The following CALD1 variants were observed in gnomAD, a reference collection of about 807,000 sequenced individuals.
The protein encoded by CALD1 is caldesmon.
Under a neutral mutation model 99.9 loss-of-function variants are expected in CALD1, and 33 were observed. That is an observed-to-expected ratio of 0.33 (90% CI 0.25 to 0.44). The LOEUF is 0.44. Among genes scored for constraint, CALD1 ranks in the 20% least tolerant of loss-of-function variants. The pLI, the probability that CALD1 is intolerant of heterozygous loss-of-function variation, is 1.00. For missense variants in CALD1, 861 were observed against 962.1 expected (o/e 0.89, Z 1.39); for synonymous variants, 310 against 325.0 (o/e 0.95, Z 0.50).
intron 1 of CALD1, among the ~76,000 whole-genome samples, chr7:134,780,616 T>C (rs774873785): frequency 2.6e-5 from 4 of 152,142 alleles, no homozygotes; most frequent in African/African-American, 9.7e-5. Flanking sequence ...TCTGAAACAG[T>C]AGTACAAGGC....
At chr7:134,850,382 G>T (rs1800025670) in intron 2 of CALD1, among the ~76,000 whole-genome samples, 1 of 152,134 alleles carries the variant, frequency 6.6e-6, no homozygotes, top group Non-Finnish European at 1.5e-5. Flanking sequence ...CACAATCTGG[G>T]GCTGAGTTGC....
chr7:134,802,778 A>G (rs79139221), intron 1 of CALD1, among the ~76,000 whole-genome samples: 2,424 of 152,336 alleles, frequency 0.016, 64 homozygotes, highest in African/African-American at 0.055. Flanking sequence ...TTTGAAGTAC[A>G]CTGAAATTGC....
chr7:134,903,388 G>A (rs929073962), intron 3 of CALD1, among the ~76,000 whole-genome samples: 1 of 152,086 alleles, frequency 6.6e-6, no homozygotes, highest in African/African-American at 2.4e-5. Context: ...TTATGTGTGT[G>A]TGAGACGGAA....
chr7:134,829,400 A>T (rs1486931376), intron 1 of CALD1, among the ~76,000 whole-genome samples: 3 of 152,210 alleles, frequency 2.0e-5, no homozygotes, highest in Non-Finnish European at 4.4e-5. Context: ...TGGTGTTTTC[A>T]GGGTGTTGCA....
In CALD1 at chr7:134,933,146, C is replaced by G; in HGVS notation, c.377C>G (p.Thr126Arg). 6.2e-7 allele frequency: 1 copy of G among 1,613,518 alleles called. No individual in the cohort carries two copies. The highest frequency in any genetic ancestry group is 1.1e-5 in the South Asian group (1 of 91,004). Residue 126 changes from threonine (T) to arginine (R), a missense_variant, in exon 5 of 15, where the codon ACA becomes AGA. By Grantham distance (71) the Thr-to-Arg change is moderately conservative (BLOSUM62 -1). Coordinates refer to ENST00000361675, the MANE Select transcript of CALD1 (RefSeq NM_033138.4). ...CAGAAGGAGTTCGACCCAACAATAA[C>G]AGATGCAAGTCTGTCGCTCCCAAGC... ...ERQKEFDPTI[T>R]DASLSLPSRR...
chr7:134,808,773 T>C (rs546906266), intron 1 of CALD1, among the ~76,000 whole-genome samples: 1 of 152,338 alleles, frequency 6.6e-6, no homozygotes, highest in African/African-American at 2.4e-5. Context: ...AAAACATCAA[T>C]CTTAGGCTTT....
intron 1 of CALD1, among the ~76,000 whole-genome samples, chr7:134,752,462 G>A: frequency 6.6e-6 from 1 of 152,154 alleles, no homozygotes; most frequent in East Asian, 1.9e-4. Flanking sequence ...TTATAAAAGT[G>A]AAACTATATA....
rs1805748788 is a variant in CALD1 at position 134,933,974 on chromosome 7, C to A, written c.1205C>A (p.Thr402Lys). Residue 402 changes from threonine to lysine, a missense_variant, in exon 5 of 15, where the codon ACA becomes AAA. Thr to Lys is a moderately conservative substitution (Grantham distance 78). Transcript: ENST00000361675. ...GAGAAAAAACATGCCATGCAAGAGACAAAGATAAAAGGGGAAAAGGTAGAA... is the reference window on the plus strand; with the variant it reads ...GAGAAAAAACATGCCATGCAAGAGAAAAAGATAAAAGGGGAAAAGGTAGAA... Reference protein sequence around the residue: ...LEEKKHAMQETKIKGEKVEQK... With the variant: ...LEEKKHAMQEKKIKGEKVEQK... The A allele has an allele frequency of 1.9e-6, 3 of 1,613,732 alleles. No homozygotes were observed. In the South Asian group the frequency reaches 3.3e-5, roughly 18 times the overall value.
the CALD1 span, among the ~76,000 whole-genome samples, chr7:134,729,033 G>A: frequency 6.6e-6 from 1 of 151,944 alleles, no homozygotes; most frequent in Admixed American, 6.6e-5. Flanking sequence ...TGTATTTTTA[G>A]TAGAGACTGG....
intron 1 of CALD1, among the ~76,000 whole-genome samples, chr7:134,823,063 C>T (rs1449821916): frequency 6.6e-6 from 1 of 152,172 alleles, no homozygotes; most frequent in Non-Finnish European, 1.5e-5. Flanking sequence ...TGTCCCTCCA[C>T]ATGCCCCCTT....
the CALD1 span, among the ~76,000 whole-genome samples, chr7:134,731,743 G>C: frequency 6.7e-6 from 1 of 149,828 alleles, no homozygotes; most frequent in African/African-American, 2.5e-5. Context: ...CTGCTTTCTT[G>C]GTGAATTCAC....
chr7:134,796,450 T>C (rs1797748282), intron 1 of CALD1, among the ~76,000 whole-genome samples: 1 of 152,208 alleles, frequency 6.6e-6, no homozygotes, highest in African/African-American at 2.4e-5. Flanking sequence ...AGAAATCATA[T>C]ATTCATAAAG....
At chr7:134,912,856 G>C (rs1300023761) in intron 3 of CALD1, among the ~76,000 whole-genome samples, 1 of 152,058 alleles carries the variant, frequency 6.6e-6, no homozygotes, top group Non-Finnish European at 1.5e-5. Context: ...CAATTTTCTA[G>C]GCAAATTGTA....
chr7:134,831,389 G>A (rs1024903277), intron 1 of CALD1, among the ~76,000 whole-genome samples: 6 of 151,948 alleles, frequency 3.9e-5, no homozygotes, highest in East Asian at 1.9e-4. Flanking sequence ...GCGCGATCTC[G>A]GCTCACTGCA....
Position 134,947,674 on chromosome 7 carries a change from G to A in CALD1, c.1699G>A (p.Glu567Lys). The change falls in exon 8 of 15, where the codon GAA becomes AAA. Residue 567 changes from glutamate (E) to lysine (K), a missense_variant. Coordinates refer to ENST00000361675, the MANE Select transcript of CALD1 (RefSeq NM_033138.4). ...GCAGGAGGCGGCTTTGGAGCTGGAG[G>A]AACTCAAGAAAAAGAGGGAGGAGAG... is the stretch of plus-strand genomic sequence containing the variant. ...KQQEAALELEELKKKREERRK... is the reference protein window; with the variant it reads ...KQQEAALELEKLKKKREERRK... The A allele has an allele frequency of 1.0e-5, 16 of 1,598,832 alleles. No individual in the cohort carries two copies. The highest frequency in any genetic ancestry group is 1.4e-5 in the Non-Finnish European group (16 of 1,171,856).
chr7:134,812,829 G>T (rs12669036), intron 1 of CALD1, among the ~76,000 whole-genome samples: 30,590 of 152,034 alleles, frequency 0.2, 3,217 homozygotes, highest in East Asian at 0.29. Context: ...TTGGGAGTCA[G>T]GCATTTGCAT....
intron 3 of CALD1, among the ~76,000 whole-genome samples, chr7:134,910,444 C>T (rs991909068): frequency 6.6e-6 from 1 of 152,148 alleles, no homozygotes; most frequent in Non-Finnish European, 1.5e-5. Context: ...TTCCCACAGA[C>T]ATTGCAAAAG....
chr7:134,899,831 G>C (rs1199629261), intron 3 of CALD1: 1 of 151,922 alleles, frequency 6.6e-6, no homozygotes, highest in Admixed American at 6.6e-5. Context: ...TTTTTTTGTA[G>C]AGACGAGGTC....
intron 1 of CALD1, among the ~76,000 whole-genome samples, chr7:134,758,826 C>T (rs1796752356): frequency 6.6e-6 from 1 of 152,156 alleles, no homozygotes; most frequent in Non-Finnish European, 1.5e-5. Flanking sequence ...GGAACATACA[C>T]TGAGAATAGC....
Sources: gnomAD v4.1 joint callset for allele counts (sites outside exome capture counted in the v4.1 genomes callset) on GRCh38, gnomAD v4.1.1 for gene constraint, MANE v1.5 for transcripts, NCBI Gene and HGNC (gene_info 2026-07-23, HGNC 2026-07-21) for gene names.